The following KLHDC4 variants were observed in gnomAD, a reference collection of about 807,000 sequenced individuals.
KLHDC4 encodes the protein kelch domain containing 4, also known as kelch domain-containing protein 4.
Under a neutral mutation model 62.4 loss-of-function variants are expected in KLHDC4, and 90 were observed. That is an observed-to-expected ratio of 1.44 (90% CI 1.22 to 1.72). The LOEUF is 1.72. Ranked by LOEUF, KLHDC4 falls within the 40% of genes most tolerant of loss-of-function variation. The pLI, the probability that KLHDC4 is intolerant of heterozygous loss-of-function variation, is 0.00. For synonymous variants in KLHDC4, 386 were observed against 284.4 expected, an observed-to-expected ratio of 1.36 and a Z score of -3.59; for missense variants, 1,025 against 699.7, an observed-to-expected ratio of 1.47 and a Z score of -5.25.
chr16:87,711,138 G>A (rs2035727412), intron 9 of KLHDC4, 97 bp downstream of exon 9: 1 of 1,300,550 alleles, frequency 7.7e-7, no homozygotes, highest in South Asian at 1.3e-5. Flanking sequence ...GGGCTTTGGG[G>A]GCCCCAATAC....
At chr16:87,714,233 C>T (rs1406429310) in intron 8 of KLHDC4, among the ~76,000 whole-genome samples, 2 of 152,230 alleles carry the variant, frequency 1.3e-5, no homozygotes, top group African/African-American at 2.4e-5. Flanking sequence ...CACTGCTCCA[C>T]AGAGGGCTGT....
At chr16:87,714,605 G>A (rs746375281) in intron 7 of KLHDC4, 32 bp from the exon 8 acceptor site, 3 of 1,612,568 alleles carry the variant, frequency 1.9e-6, no homozygotes, top group African/African-American at 2.7e-5. Flanking sequence ...TGAGAACCGG[G>A]GGCAGCTACA....
intron 1 of KLHDC4, among the ~76,000 whole-genome samples, chr16:87,763,900 T>A (rs529985775): frequency 3.3e-4 from 51 of 152,242 alleles, no homozygotes; most frequent in African/African-American, 1.1e-3. Flanking sequence ...AGACGGAGTA[T>A]GGTTGGGGTA....
chr16:87,708,151 G>A (rs912771730), intron 11 of KLHDC4, 76 bp from the exon 12 acceptor site: 4 of 637,088 alleles, frequency 6.3e-6, no homozygotes, highest in Middle Eastern at 2.6e-4. Context: ...GGGGTAGAGA[G>A]AACACCGGGT....
At chr16:87,747,242 C>T (rs1010009528) in intron 5 of KLHDC4, among the ~76,000 whole-genome samples, 3 of 151,998 alleles carry the variant, frequency 2.0e-5, no homozygotes, top group Non-Finnish European at 4.4e-5. Context: ...CTGGGTTAGC[C>T]GCATTCTATC....
intron 9 of KLHDC4, chr16:87,709,949 T>C (rs1283296315): frequency 4.5e-6 from 2 of 449,080 alleles, no homozygotes; most frequent in Non-Finnish European, 8.0e-6. Flanking sequence ...CACTGAGAGG[T>C]GGACAGGCCC....
Position 87,709,463 on chromosome 16 carries a change from C to G in KLHDC4, c.1249G>C (p.Asp417His), listed in dbSNP as rs1555550960. 2 of 1,611,972 alleles carry G rather than the reference C, an allele frequency of 1.2e-6. No individual in the cohort carries two copies. The highest frequency in any genetic ancestry group is 1.7e-5 in the Admixed American group (1 of 60,002). Residue 417 changes from aspartate (D) to histidine (H), a missense_variant, in exon 10 of 12, where the codon GAC becomes CAC. Transcript: ENST00000270583. Reference protein sequence around the residue: ...SAGQPRSEDEDSLEEAGSPAP... With the variant: ...SAGQPRSEDEHSLEEAGSPAP... Reference sequence around the variant, plus strand: ...GGGCTGCCGGCCTCCTCAAGGCTGTCTTCGTCCTCAGACCGGGGCTGCCCC... The same window carrying G: ...GGGCTGCCGGCCTCCTCAAGGCTGTGTTCGTCCTCAGACCGGGGCTGCCCC...
At chr16:87,765,291 TA>T (rs1173012860) in intron 1 of KLHDC4, 3 of 456,068 alleles carry the variant, frequency 6.6e-6, no homozygotes, top group Non-Finnish European at 1.3e-5. Context: ...CTTCTTCACT[TA>T]ACCATCTGCT....
chr16:87,764,830 CAAAAAA>C (rs35356541), intron 1 of KLHDC4, among the ~76,000 whole-genome samples: 2 of 80,506 alleles, frequency 2.5e-5, no homozygotes, highest in East Asian at 6.7e-4. Flanking sequence ...AAGACTCTGT[CAAAAAA>C]AAAAAAAAAA....
chr16:87,765,293 A>C (rs1371636309), intron 1 of KLHDC4: 1 of 456,170 alleles, frequency 2.2e-6, no homozygotes, highest in Non-Finnish European at 4.4e-6. Flanking sequence ...TCTTCACTTA[A>C]CCATCTGCTG....
intron 9 of KLHDC4, chr16:87,710,147 GA>G (rs2035505371): frequency 6.2e-6 from 1 of 161,812 alleles, no homozygotes; most frequent in Non-Finnish European, 1.4e-5. Context: ...CGGCGAGCCA[GA>G]GAGGGGCCCT....
intron 5 of KLHDC4, among the ~76,000 whole-genome samples, chr16:87,731,416 T>A (rs192930073): frequency 6.6e-6 from 1 of 151,532 alleles, no homozygotes; most frequent in Admixed American, 6.6e-5. Flanking sequence ...AATAAAAATA[T>A]AGGCAAAAGA....
chr16:87,764,830 C>CAAAAA (rs35356541), intron 1 of KLHDC4, among the ~76,000 whole-genome samples: 2 of 80,494 alleles, frequency 2.5e-5, no homozygotes, highest in African/African-American at 4.4e-5. Flanking sequence ...AAGACTCTGT[C>CAAAAA]AAAAAAAAAA....
intron 5 of KLHDC4, among the ~76,000 whole-genome samples, chr16:87,731,569 G>T (rs1344878537): frequency 1.3e-4 from 19 of 151,916 alleles, no homozygotes; most frequent in Admixed American, 1.2e-3. Context: ...ACACATGGCT[G>T]GGCACCCGAG....
intron 1 of KLHDC4, 109 bp downstream of exon 1, chr16:87,765,683 G>A: frequency 1.9e-6 from 2 of 1,077,854 alleles, no homozygotes; most frequent in Non-Finnish European, 2.6e-6. Flanking sequence ...CTCTCCCGCA[G>A]GGCCGGCGCG....
intron 6 of KLHDC4, 106 bp downstream of exon 6, chr16:87,730,446 T>C: frequency 1.1e-6 from 1 of 943,650 alleles, no homozygotes; most frequent in South Asian, 1.7e-5. Flanking sequence ...AAGCTGGATT[T>C]GGGAGGATGG....
chr16:87,748,000 A>C (rs928117311), intron 5 of KLHDC4, among the ~76,000 whole-genome samples: 6 of 152,242 alleles, frequency 3.9e-5, no homozygotes, highest in African/African-American at 2.4e-5. Flanking sequence ...GCCAGGCCAC[A>C]CATAGAAGGA....
intron 7 of KLHDC4, among the ~76,000 whole-genome samples, chr16:87,715,220 C>G (rs1293736032): frequency 6.6e-6 from 1 of 151,930 alleles, no homozygotes; most frequent in African/African-American, 2.4e-5. Flanking sequence ...GGGCCCCCAT[C>G]CATTTCCATC....
At chr16:87,714,614 C>G (rs780546458) in intron 7 of KLHDC4, 41 bp from the exon 8 acceptor site, 7 of 1,609,798 alleles carry the variant, frequency 4.3e-6, no homozygotes, top group Non-Finnish European at 6.0e-6. Flanking sequence ...GGGGCAGCTA[C>G]AGTGGTTGCT....
Sources: gnomAD v4.1 joint callset for allele counts (sites outside exome capture counted in the v4.1 genomes callset) on GRCh38, gnomAD v4.1.1 for gene constraint, MANE v1.5 for transcripts, NCBI Gene and HGNC (gene_info 2026-07-23, HGNC 2026-07-21) for gene names.